The following TMEM245 variants were observed in gnomAD, a reference collection of about 807,000 sequenced individuals.
The protein encoded by TMEM245 is transmembrane protein 245, also known as protein CG-2.
A neutral mutation model predicts 101.2 loss-of-function variants in TMEM245; 69 were observed. That is an observed-to-expected ratio of 0.68 (90% CI 0.56 to 0.83). The LOEUF (loss-of-function observed/expected upper bound fraction) is 0.83, where lower values mean the gene tolerates loss of function less well. TMEM245 is among the 40% of genes least tolerant of loss of function. The probability of loss-of-function intolerance (pLI) is 0.00; values close to 1 mark genes in which losing one functional copy is unlikely to be tolerated. For missense variants in TMEM245, 1,075 were observed against 1,092.8 expected, an observed-to-expected ratio of 0.98 and a Z score of 0.23; for synonymous variants, 537 against 449.8, an observed-to-expected ratio of 1.19 and a Z score of -2.45.
chr9:109,050,428 T>C lies in TMEM245; in HGVS notation c.1978A>G (p.Ile660Val). The change falls in exon 14 of 18, where the codon ATA (isoleucine) becomes GTA (valine). Residue 660 changes from isoleucine to valine, a missense_variant and splice_region_variant. By Grantham distance (29) the Ile-to-Val change is conservative. This residue lies in a region of TMEM245 where 267 missense variants were observed against 351.3 expected (regional missense o/e 0.76). Coordinates refer to ENST00000374586, the MANE Select transcript of TMEM245 (RefSeq NM_032012.4). Reference protein sequence around the residue: ...TALLNFVLSLIIFLTTLFYLL... With the variant: ...TALLNFVLSLVIFLTTLFYLL... ...TAAAATAGTGTGGTCAGGAAAATTA[T>C]CTGCAAAACAAAGGACAACATCTCC... 1 of 1,613,848 alleles carries C rather than the reference T, an allele frequency of 6.2e-7. No homozygotes were observed. The highest frequency in any genetic ancestry group is 8.5e-7 in the Non-Finnish European group (1 of 1,179,884).
At chr9:109,060,945 G>A (rs1044293044) in intron 10 of TMEM245, among the ~76,000 whole-genome samples, 1 of 152,088 alleles carries the variant, frequency 6.6e-6, no homozygotes, top group African/African-American at 2.4e-5. Context: ...GATCAGACTG[G>A]CCCCGGGTTT....
At chr9:109,108,900 T>C (rs1473216928) in intron 1 of TMEM245, among the ~76,000 whole-genome samples, 4 of 152,140 alleles carry the variant, frequency 2.6e-5, no homozygotes, top group Non-Finnish European at 4.4e-5. Context: ...TCTAATCTTA[T>C]GGAATTCCTA....
rs1355880651 is a variant in TMEM245 at position 109,119,563 on chromosome 9, C to CGT, written c.349_350dup (p.Pro118ArgfsTer87). 2 of 1,538,436 alleles carry CGT rather than the reference C, an allele frequency of 1.3e-6. No individual in the cohort carries two copies. The highest frequency in any genetic ancestry group is 5.0e-5 in the East Asian group (2 of 39,830). The stretch of plus-strand genomic sequence containing the variant: ...GGAGCAGCGCGGCCAGGACGATGGG[C>CGT]GTGTGCGCGCGGTGCAGGCGCTGCA... On this transcript the variant is annotated frameshift_variant, in exon 1 of 18. Coordinates refer to ENST00000374586, the MANE Select transcript of TMEM245 (RefSeq NM_032012.4). LOFTEE classifies it high-confidence loss of function.
At chr9:109,108,702 G>A in intron 1 of TMEM245, 132 bp from the exon 2 acceptor site, 1 of 573,776 alleles carries the variant, frequency 1.7e-6, no homozygotes, top group East Asian at 3.0e-5. Flanking sequence ...GGTTGATGGT[G>A]TCAAAGAAAC....
chr9:109,086,033 G>C lies in TMEM245; in HGVS notation c.1321-13C>G. Reference sequence around the variant, plus strand: ...GCCAGTGCCAGAGCTTGAGGATAGGGGGTAAGGTGAGAAAGAGAAGATAAG... The same window carrying C: ...GCCAGTGCCAGAGCTTGAGGATAGGCGGTAAGGTGAGAAAGAGAAGATAAG... On this transcript the variant is annotated splice_polypyrimidine_tract_variant and intron_variant, in intron 6 of 17. Transcript: ENST00000374586. The C allele has an allele frequency of 1.9e-6, 3 of 1,613,728 alleles. No individual in the cohort carries two copies. Among genetic ancestry groups the C allele is most frequent in the Non-Finnish European group, 2.5e-6 (3 of 1,179,744 alleles).
chr9:109,043,983 C>A (rs2132356653), intron 14 of TMEM245, among the ~76,000 whole-genome samples: 1 of 152,258 alleles, frequency 6.6e-6, no homozygotes, highest in South Asian at 2.1e-4. Context: ...CCGTATGGCA[C>A]TAAAGGTGTG....
chr9:109,096,877 A>C (rs539607351), intron 3 of TMEM245, among the ~76,000 whole-genome samples: 1 of 152,242 alleles, frequency 6.6e-6, no homozygotes, highest in Non-Finnish European at 1.5e-5. Context: ...ATAGCTCTTC[A>C]AATAATGGAC....
chr9:109,022,971 A>G (rs1827676180), intron 17 of TMEM245, among the ~76,000 whole-genome samples: 1 of 152,248 alleles, frequency 6.6e-6, no homozygotes, highest in African/African-American at 2.4e-5. Context: ...GACACATTAA[A>G]TAAGATTAAG....
chr9:109,056,485 G>T (rs866369371), intron 12 of TMEM245, among the ~76,000 whole-genome samples: 57 of 150,838 alleles, frequency 3.8e-4, no homozygotes, highest in African/African-American at 1.3e-3. Flanking sequence ...GTGTGGTGGG[G>T]CATGCCCGTA....
At chr9:109,032,262 C>G (rs1827967459) in intron 17 of TMEM245, among the ~76,000 whole-genome samples, 1 of 151,012 alleles carries the variant, frequency 6.6e-6, no homozygotes, top group Admixed American at 6.6e-5. Context: ...ACATATGGTC[C>G]ATGTTCAAAT....
intron 9 of TMEM245, among the ~76,000 whole-genome samples, chr9:109,067,051 C>T (rs1310763360): frequency 7.9e-6 from 1 of 127,362 alleles, no homozygotes; most frequent in Non-Finnish European, 1.6e-5. Context: ...GGCAAGACTC[C>T]ATCTCAAAAA....
At chr9:109,072,299 A>C (rs1829357636) in intron 9 of TMEM245, among the ~76,000 whole-genome samples, 1 of 152,222 alleles carries the variant, frequency 6.6e-6, no homozygotes, top group Admixed American at 6.5e-5. Flanking sequence ...CTCCTAGTTA[A>C]GCCCGCTCCC....
At chr9:109,087,400 T>A (rs144823919) in intron 5 of TMEM245, 58 bp from the exon 6 acceptor site, 637 of 1,450,514 alleles carry the variant, frequency 4.4e-4, no homozygotes, top group Non-Finnish European at 5.2e-4. Context: ...AGTTGTAACA[T>A]GAAAAGGTAC....
chr9:109,087,230 A>C lies in TMEM245; in HGVS notation c.1263T>G (p.Ala421=), dbSNP rs760540661. ...IESFLKERQG[A]LAPWPIVGLG... Reference sequence around the variant, plus strand: ...GCCCGACAATGGGCCAAGGCGCGAGAGCTCCCTGCCGCTCCTTCAGGAAGC... The same window carrying C: ...GCCCGACAATGGGCCAAGGCGCGAGCGCTCCCTGCCGCTCCTTCAGGAAGC... The change falls in exon 6 of 18, where the codon GCT becomes GCG. Residue 421 remains alanine (A), a synonymous_variant. Transcript: ENST00000374586. 4 of 1,613,758 alleles carry C rather than the reference A, an allele frequency of 2.5e-6. No individual in the cohort carries two copies. Among genetic ancestry groups the C allele is most frequent in the Non-Finnish European group, 3.4e-6 (4 of 1,179,902 alleles).
intron 17 of TMEM245, among the ~76,000 whole-genome samples, chr9:109,023,836 CAAAA>C (rs139227712): frequency 1.2e-5 from 1 of 82,770 alleles, no homozygotes; most frequent in Non-Finnish European, 2.6e-5. Context: ...ACTCTGTTTC[CAAAA>C]AAAAAAAAAA....
intron 14 of TMEM245, among the ~76,000 whole-genome samples, chr9:109,049,232 G>A (rs747968303): frequency 6.6e-6 from 1 of 152,134 alleles, no homozygotes; most frequent in Non-Finnish European, 1.5e-5. Flanking sequence ...TTTTGTTTTT[G>A]AGATAGGGTC....
intron 14 of TMEM245, among the ~76,000 whole-genome samples, chr9:109,043,518 A>C (rs572689776): frequency 6.6e-6 from 1 of 152,218 alleles, no homozygotes; most frequent in Admixed American, 6.5e-5. Context: ...GTTTTCTGGG[A>C]CCTTTTTCTT....
At chr9:109,118,942 G>A (rs1460935623) in intron 1 of TMEM245, among the ~76,000 whole-genome samples, 3 of 152,170 alleles carry the variant, frequency 2.0e-5, no homozygotes, top group Admixed American at 6.5e-5. Flanking sequence ...GTCCCTTCCA[G>A]CTCTGACATT....
intron 17 of TMEM245, among the ~76,000 whole-genome samples, chr9:109,032,500 T>G (rs1359332356): frequency 6.9e-6 from 1 of 145,698 alleles, no homozygotes; most frequent in Non-Finnish European, 1.5e-5. Context: ...TTCTCCTGCC[T>G]CAGCCTCCCG....
Sources: gnomAD v4.1 joint callset for allele counts (sites outside exome capture counted in the v4.1 genomes callset) on GRCh38, gnomAD v4.1.1 for gene constraint, gnomAD v4.1.1 regional missense constraint, MANE v1.5 for transcripts, NCBI Gene and HGNC (gene_info 2026-07-23, HGNC 2026-07-21) for gene names.